ZC3H18: variants seen among roughly 807,000 people sequenced by gnomAD.
The protein encoded by ZC3H18 is zinc finger CCCH-type containing 18, also known as zinc finger CCCH domain-containing protein 18.
A neutral mutation model predicts 106.1 loss-of-function variants in ZC3H18; 8 were observed. The observed-to-expected ratio is 0.08, with a 90% CI of 0.04 to 0.14. ZC3H18 has a LOEUF of 0.14. Among genes scored for constraint, ZC3H18 ranks in the 10% least tolerant of loss-of-function variants. ZC3H18 has a pLI of 1.00. For synonymous variants in ZC3H18, 635 were observed against 522.1 expected (o/e 1.22, Z -2.95); for missense variants, 1,318 against 1,278.4 (o/e 1.03, Z -0.47).
At chr16:88,603,641 G>A (rs1188982971) in intron 6 of ZC3H18, among the ~76,000 whole-genome samples, 1 of 75,418 alleles carries the variant, frequency 1.3e-5, no homozygotes, top group Non-Finnish European at 2.8e-5. Context: ...TTTTTTTTTT[G>A]AGACGGAGTC....
At chr16:88,614,042 T>C (rs538378756) in intron 8 of ZC3H18, among the ~76,000 whole-genome samples, 3 of 152,330 alleles carry the variant, frequency 2.0e-5, no homozygotes, top group East Asian at 1.9e-4. Context: ...CAGTTCCTTA[T>C]TGGGAAACAG....
In ZC3H18 at chr16:88,574,831, C is replaced by CT. The variant is rs766351268; in HGVS notation, c.-14-2263dup. Among the ~76,000 whole-genome samples the CT allele has an allele frequency of 6.3e-3, 870 of 137,024 alleles. 6 individuals carry two copies. The highest frequency in any genetic ancestry group is 8.9e-3 in the Non-Finnish European group (557 of 62,456). 89.9% of individuals were successfully genotyped at this position (137,024 alleles called of 152,430 possible). ...ACCTGACCAATTTGTTCTAATGTAT[C>CT]TTTTTTTTTTTTTTTTGAGACGGAG... On this transcript the variant is annotated intron_variant, in intron 1 of 17. Coordinates refer to ENST00000301011, the MANE Select transcript of ZC3H18 (RefSeq NM_144604.4).
rs1305198987 is a variant in ZC3H18, at chr16:88,631,719, C to T, written c.*420C>T. The T allele has an allele frequency of 1.2e-5, 5 of 432,056 alleles. No individual in the cohort carries two copies. Among genetic ancestry groups the T allele is most frequent in the South Asian group, 4.9e-5 (3 of 60,634 alleles). 26.8% of individuals were successfully genotyped at this position (432,056 alleles called of 1,614,324 possible). A position where few individuals can be genotyped will look rare whatever the true frequency, so the allele number is the denominator to read the frequency against. ...GGAACCTCGCGAACCACTGGTGGCA[C>T]ATCCTTCTCCTCCCCCGCCCCTGAT... is the stretch of plus-strand genomic sequence containing the variant. On this transcript the variant is annotated 3_prime_UTR_variant, in exon 18 of 18. Coordinates refer to ENST00000301011, the MANE Select transcript of ZC3H18 (RefSeq NM_144604.4).
chr16:88,611,671 C>T (rs1905283008), intron 8 of ZC3H18, 135 bp downstream of exon 8: 1 of 1,346,418 alleles, frequency 7.4e-7, no homozygotes. Context: ...GGCCCACAGC[C>T]CGAGCCCATA....
intron 16 of ZC3H18, chr16:88,630,211 A>G: frequency 2.5e-6 from 1 of 407,448 alleles, no homozygotes; most frequent in Non-Finnish European, 4.4e-6. Context: ...AATTTCTTCA[A>G]AGCTAGGAAG....
At chr16:88,579,361 C>G (rs979321407) in intron 2 of ZC3H18, among the ~76,000 whole-genome samples, 1 of 152,128 alleles carries the variant, frequency 6.6e-6, no homozygotes, top group African/African-American at 2.4e-5. Flanking sequence ...GTCTGCACCA[C>G]CACTGGGAGT....
intron 16 of ZC3H18, among the ~76,000 whole-genome samples, chr16:88,629,282 C>T (rs1159006477): frequency 6.6e-6 from 1 of 152,212 alleles, no homozygotes; most frequent in Non-Finnish European, 1.5e-5. Flanking sequence ...TGAGACCAGC[C>T]TGGCTAACAT....
intron 3 of ZC3H18, among the ~76,000 whole-genome samples, chr16:88,590,165 C>T (rs1915659598): frequency 6.6e-6 from 1 of 152,158 alleles, no homozygotes; most frequent in Admixed American, 6.5e-5. Context: ...ATTGCTCAGG[C>T]TGGTCTCAAA....
chr16:88,570,428 C>G lies in ZC3H18; in HGVS notation c.-153C>G, dbSNP rs996922614. 1 of 151,944 alleles carries G rather than the reference C, an allele frequency of 6.6e-6. No homozygotes were observed. Among genetic ancestry groups the G allele is most frequent in the Non-Finnish European group, 1.5e-5 (1 of 67,980 alleles). The allele number at this position is 151,944 out of a possible 1,614,324, so 9.4% of individuals were successfully genotyped here. A position where few individuals can be genotyped will look rare whatever the true frequency, so the allele number is the denominator to read the frequency against. On this transcript the variant is annotated 5_prime_UTR_variant, in exon 1 of 18. Transcript: ENST00000301011. ...GACGTCGCACAATGGCCGGCCCCCG[C>G]GGGTAGTGGAGCCCGTTTGTTCCGC...
rs747670600 is a variant in ZC3H18, at chr16:88,616,013, C to T, written c.1475+4477C>T. ...AGATTCCCGACTGCTGTGCCCGTCT[C>T]CTGTGTGCTCAGCCTCCCCAGAGGA... On this transcript the variant is annotated intron_variant, in intron 8 of 17. Transcript: ENST00000301011. 3.7e-4 allele frequency among the ~76,000 whole-genome samples: 56 copies of T among 152,350 alleles called. No individual in the cohort carries two copies. In the Middle Eastern group the frequency reaches 0.017, roughly 46 times the overall value.
At chr16:88,598,775 A>C in intron 5 of ZC3H18, 63 bp downstream of exon 5, 6 of 1,495,422 alleles carry the variant, frequency 4.0e-6, no homozygotes, top group Non-Finnish European at 5.5e-6. Context: ...GTTCTTGACA[A>C]AACTGGGATT....
At chr16:88,573,895 G>C (rs554867863) in intron 1 of ZC3H18, among the ~76,000 whole-genome samples, 1 of 151,204 alleles carries the variant, frequency 6.6e-6, no homozygotes, top group Non-Finnish European at 1.5e-5. Flanking sequence ...TTTTTGAGAC[G>C]GAGTTTTGCT....
intron 3 of ZC3H18, among the ~76,000 whole-genome samples, chr16:88,594,094 C>T (rs1201203595): frequency 6.6e-6 from 1 of 152,106 alleles, no homozygotes; most frequent in Non-Finnish European, 1.5e-5. Context: ...GCATCTCTTC[C>T]TGGGGCTGTA....
chr16:88,604,792 C>T (rs911294927), intron 6 of ZC3H18, among the ~76,000 whole-genome samples: 7 of 152,212 alleles, frequency 4.6e-5, no homozygotes, highest in African/African-American at 1.7e-4. Flanking sequence ...ACACAAGGGC[C>T]TCTAGTGCGC....
intron 13 of ZC3H18, chr16:88,626,683 TAAAG>T (rs1906328999): frequency 6.8e-6 from 1 of 146,288 alleles, no homozygotes; most frequent in African/African-American, 2.5e-5. Context: ...TGAAATGTTT[TAAAG>T]ACCTGACTTT....
intron 3 of ZC3H18, among the ~76,000 whole-genome samples, chr16:88,590,971 CTTT>C (rs71158738): frequency 4.1e-4 from 40 of 97,804 alleles, no homozygotes; most frequent in Admixed American, 5.7e-4. Context: ...TGGTGGAATA[CTTT>C]TTTTTTTTTT....
At chr16:88,571,145 C>T (rs1362746427) in intron 1 of ZC3H18, among the ~76,000 whole-genome samples, 3 of 152,200 alleles carry the variant, frequency 2.0e-5, no homozygotes, top group Non-Finnish European at 4.4e-5. Flanking sequence ...TTATATAGAC[C>T]AACTGCAGCT....
At chr16:88,606,324 C>T (rs958043103) in intron 6 of ZC3H18, among the ~76,000 whole-genome samples, 3 of 152,220 alleles carry the variant, frequency 2.0e-5, no homozygotes, top group Admixed American at 6.5e-5. Context: ...TGTGTTGACA[C>T]GTTCTCTAGA....
chr16:88,602,057 A>C (rs1904775597), intron 6 of ZC3H18, among the ~76,000 whole-genome samples: 1 of 152,196 alleles, frequency 6.6e-6, no homozygotes, highest in Non-Finnish European at 1.5e-5. Flanking sequence ...ACCCGGAGGG[A>C]AGGAAGGAGC....
Sources: allele counts gnomAD v4.1 joint callset (sites outside exome capture counted in the v4.1 genomes callset), GRCh38; gene constraint gnomAD v4.1.1; transcripts MANE v1.5; gene names NCBI Gene and HGNC (gene_info 2026-07-23, HGNC 2026-07-21).